Variants in TACR3 observed in about 807,000 individuals in gnomAD.
TACR3 encodes tachykinin receptor 3.
TACR3 carries 34 observed loss-of-function variants against 35.0 expected under a neutral mutation model. The observed-to-expected ratio is 0.97, with a 90% CI of 0.74 to 1.30. TACR3 has a LOEUF of 1.30. TACR3 is among the 50% of genes most tolerant of loss of function. The probability of loss-of-function intolerance (pLI) is 0.00; values close to 1 mark genes in which losing one functional copy is unlikely to be tolerated. For synonymous variants in TACR3, 233 were observed against 221.1 expected (o/e 1.05, Z -0.48); for missense variants, 558 against 591.7 (o/e 0.94, Z 0.59).
At chr4:103,625,097 A>G (rs1232569045) in intron 3 of TACR3, among the ~76,000 whole-genome samples, 1 of 152,184 alleles carries the variant, frequency 6.6e-6, no homozygotes, top group Admixed American at 6.5e-5. Flanking sequence ...GCCGTGAGAG[A>G]CAAATTATCC....
rs200917910 is a variant in TACR3, at chr4:103,719,400, A to G, written c.276T>C (p.Tyr92=). Residue 92 remains tyrosine (Y), a synonymous_variant, in exon 1 of 5, where the codon TAT becomes TAC. Coordinates refer to ENST00000304883, the MANE Select transcript of TACR3 (RefSeq NM_001059.3). The part of the protein sequence containing the change: ...SWRIALWSLA[Y]GVVVAVAVLG... ...AAACTGCCACTGCCACCACCACACC[A>G]TACGCCAGGGACCAGAGCGCGATGC... is the stretch of plus-strand genomic sequence containing the variant. 1.4e-5 allele frequency: 22 copies of G among 1,614,212 alleles called. No individual in the cohort carries two copies. Among genetic ancestry groups the G allele is most frequent in the Non-Finnish European group, 1.9e-5 (22 of 1,180,038 alleles).
At chr4:103,666,636 T>C (rs1404309693) in intron 1 of TACR3, among the ~76,000 whole-genome samples, 2 of 152,150 alleles carry the variant, frequency 1.3e-5, no homozygotes, top group East Asian at 3.8e-4. Flanking sequence ...ATGATTTGTA[T>C]CAAAATGCTG....
In TACR3 at chr4:103,589,448, AT is replaced by A. The variant is rs1282012140; in HGVS notation, c.*233del. On this transcript the variant is annotated 3_prime_UTR_variant, in exon 5 of 5. Coordinates refer to ENST00000304883, the MANE Select transcript of TACR3 (RefSeq NM_001059.3). ...ATATTTTTGTTCATTGCATATAATA[AT>A]TTAGAGTTTTCAAAGAATAAATTTA... 4 of 512,088 alleles carry A rather than the reference AT, an allele frequency of 7.8e-6. No homozygotes were observed. Among genetic ancestry groups the A allele is most frequent in the Non-Finnish European group, 1.4e-5 (4 of 286,982 alleles). The allele number at this position is 512,088 out of a possible 1,614,324, so 31.7% of individuals were successfully genotyped here. A position where few individuals can be genotyped will look rare whatever the true frequency, so the allele number is the denominator to read the frequency against.
chr4:103,611,533 T>C (rs1724511848), intron 3 of TACR3, among the ~76,000 whole-genome samples: 1 of 152,202 alleles, frequency 6.6e-6, no homozygotes, highest in Non-Finnish European at 1.5e-5. Flanking sequence ...GGAGACCTTT[T>C]ATGTGCAAGG....
Position 103,632,166 on chromosome 4 carries a change from A to T in TACR3, c.888+24028T>A, listed in dbSNP as rs187031285. On this transcript the variant is annotated intron_variant, in intron 3 of 4. Coordinates refer to ENST00000304883, the MANE Select transcript of TACR3 (RefSeq NM_001059.3). ...ACATGGACAACATTTAGAAATGCGC[A>T]TTCGTCTTAGGAGAGGGAAAAGACA... Among the ~76,000 whole-genome samples, 17 of 152,318 alleles carry T rather than the reference A, an allele frequency of 1.1e-4. No individual in the cohort carries two copies. The East Asian group carries it at 2.9e-3, about 26-fold the overall frequency.
intron 3 of TACR3, among the ~76,000 whole-genome samples, chr4:103,645,289 A>G (rs912424499): frequency 6.6e-5 from 10 of 151,946 alleles, no homozygotes; most frequent in African/African-American, 2.2e-4. Flanking sequence ...ATATGATGTA[A>G]ATATTAAAAC....
intron 3 of TACR3, among the ~76,000 whole-genome samples, chr4:103,655,212 G>T (rs1210963498): frequency 6.6e-6 from 1 of 152,106 alleles, no homozygotes; most frequent in Non-Finnish European, 1.5e-5. Context: ...TATTAAAATG[G>T]AATCCATTTT....
At chr4:103,606,998 C>A in intron 3 of TACR3, among the ~76,000 whole-genome samples, 1 of 152,084 alleles carries the variant, frequency 6.6e-6, no homozygotes, top group East Asian at 1.9e-4. Flanking sequence ...TACATCCCAT[C>A]AATACCTAAT....
At chr4:103,687,597 C>T (rs1411790578) in intron 1 of TACR3, among the ~76,000 whole-genome samples, 1 of 151,938 alleles carries the variant, frequency 6.6e-6, no homozygotes, top group Non-Finnish European at 1.5e-5. Context: ...TTCTTATACA[C>T]CAATAACAGA....
chr4:103,591,419 A>C (rs1723890394), intron 4 of TACR3, 68 bp downstream of exon 4: 1 of 1,576,236 alleles, frequency 6.3e-7, no homozygotes, highest in African/African-American at 1.4e-5. Flanking sequence ...AGAAAATGGA[A>C]CAACATTGTA....
At chr4:103,617,057 TG>T (rs1724675236) in intron 3 of TACR3, among the ~76,000 whole-genome samples, 1 of 152,198 alleles carries the variant, frequency 6.6e-6, no homozygotes, top group Non-Finnish European at 1.5e-5. Flanking sequence ...ATTTTTCAGA[TG>T]AAGATATGAT....
intron 3 of TACR3, among the ~76,000 whole-genome samples, chr4:103,626,689 G>C (rs184590167): frequency 1.3e-5 from 2 of 152,086 alleles, no homozygotes; most frequent in African/African-American, 2.4e-5. Flanking sequence ...GTTTTCTCCG[G>C]TATGAAAGAA....
chr4:103,698,384 T>G (rs17034007), intron 1 of TACR3, among the ~76,000 whole-genome samples: 23,136 of 151,966 alleles, frequency 0.15, 2,292 homozygotes, highest in East Asian at 0.43. Context: ...CTTCAAAACT[T>G]TTATTTATGC....
At chr4:103,700,603 T>C (rs943844801) in intron 1 of TACR3, among the ~76,000 whole-genome samples, 6 of 152,168 alleles carry the variant, frequency 3.9e-5, no homozygotes, top group Non-Finnish European at 4.4e-5. Context: ...ATTATTTTAC[T>C]GCTTACAACA....
At chr4:103,611,999 A>G (rs955690661) in intron 3 of TACR3, among the ~76,000 whole-genome samples, 1 of 152,186 alleles carries the variant, frequency 6.6e-6, no homozygotes, top group Non-Finnish European at 1.5e-5. Context: ...AAATGCGATA[A>G]CCATCTAATT....
intron 1 of TACR3, among the ~76,000 whole-genome samples, chr4:103,681,359 T>G (rs2110209197): frequency 6.6e-6 from 1 of 152,178 alleles, no homozygotes; most frequent in East Asian, 1.9e-4. Context: ...ATTAGATATA[T>G]CCTTCTTGTT....
intron 3 of TACR3, among the ~76,000 whole-genome samples, chr4:103,632,391 GGTT>G (rs1725087423): frequency 6.6e-6 from 1 of 152,120 alleles, no homozygotes; most frequent in African/African-American, 2.4e-5. Context: ...GCAGGGACAT[GGTT>G]GAAGCTGGAA....
intron 3 of TACR3, among the ~76,000 whole-genome samples, chr4:103,609,847 T>C (rs1200736769): frequency 6.6e-6 from 1 of 152,128 alleles, no homozygotes; most frequent in African/African-American, 2.4e-5. Flanking sequence ...AGGTAAACTT[T>C]GTTAGATTCT....
chr4:103,696,104 T>A (rs1012914934), intron 1 of TACR3, among the ~76,000 whole-genome samples: 2 of 152,142 alleles, frequency 1.3e-5, no homozygotes, highest in South Asian at 4.1e-4. Flanking sequence ...ACGAGCTAAA[T>A]AGTGTGGAAG....
Sources: allele counts gnomAD v4.1 joint callset (sites outside exome capture counted in the v4.1 genomes callset), GRCh38; gene constraint gnomAD v4.1.1; transcripts MANE v1.5; gene names NCBI Gene and HGNC (gene_info 2026-07-23, HGNC 2026-07-21).